CSMD1: variants seen among roughly 807,000 people sequenced by gnomAD.
The protein encoded by CSMD1 is CUB and sushi domain-containing protein 1.
In CSMD1, 213 loss-of-function variants were observed where a neutral mutation model predicts 417.5. The ratio of observed to expected loss-of-function variants is 0.51; its 90% CI spans 0.46 to 0.57. The LOEUF is 0.57. Ranked by LOEUF, CSMD1 falls within the 20% of genes least tolerant of loss-of-function variation. The probability of loss-of-function intolerance (pLI) is 0.00; values close to 1 mark genes in which losing one functional copy is unlikely to be tolerated. For synonymous variants in CSMD1, 2,862 were observed against 1,736.8 expected (o/e 1.65, Z -16.11); for missense variants, 6,923 against 4,529.7 (o/e 1.53, Z -15.17).
intron 6 of CSMD1, among the ~76,000 whole-genome samples, chr8:3,715,362 C>G (rs922138580): frequency 4.6e-5 from 7 of 152,144 alleles, no homozygotes; most frequent in African/African-American, 1.4e-4. Flanking sequence ...AACCATTTCA[C>G]AGTCTAAAAC....
At chr8:3,771,016 G>GCC (rs1798540367) in intron 5 of CSMD1, among the ~76,000 whole-genome samples, 1 of 89,776 alleles carries the variant, frequency 1.1e-5, no homozygotes, top group African/African-American at 4.9e-5. Flanking sequence ...CTGTCAGTGT[G>GCC]TCTGTGTGTG....
intron 4 of CSMD1, among the ~76,000 whole-genome samples, chr8:4,025,246 T>G (rs980624715): frequency 1.3e-5 from 2 of 152,196 alleles, no homozygotes; most frequent in African/African-American, 4.8e-5. Context: ...TAAATACAAA[T>G]ATTTACCTGC....
At position 4,841,363 on chromosome 8, in the gene CSMD1, CA is replaced by C. The variant is rs534894056; in HGVS notation, c.85+152968del. On this transcript the variant is annotated intron_variant, in intron 1 of 69. Transcript: ENST00000635120. ...ACTACTTTATTCTACAGTTTGGAAC[CA>C]CTGAGCTTCTTGAAGGCAGGGACCA... Among the ~76,000 whole-genome samples the C allele has an allele frequency of 9.8e-5, 15 of 152,300 alleles. No individual in the cohort carries two copies. The South Asian group carries it at 3.1e-3, about 32-fold the overall frequency.
chr8:3,506,224 G>C (rs1401287842), intron 10 of CSMD1, among the ~76,000 whole-genome samples: 2 of 152,124 alleles, frequency 1.3e-5, no homozygotes, highest in Admixed American at 6.5e-5. Flanking sequence ...GACGGCCCTG[G>C]GGGAGAGGGT....
chr8:4,095,879 G>C (rs945897667), intron 3 of CSMD1, among the ~76,000 whole-genome samples: 1 of 152,136 alleles, frequency 6.6e-6, no homozygotes, highest in African/African-American at 2.4e-5. Flanking sequence ...AACTATCAAT[G>C]TTAAGAGTAG....
intron 3 of CSMD1, among the ~76,000 whole-genome samples, chr8:4,143,263 G>C (rs1000712743): frequency 1.3e-5 from 2 of 150,784 alleles, no homozygotes; most frequent in East Asian, 1.9e-4. Flanking sequence ...TTTTCCATTT[G>C]TCCTCAAAGA....
At chr8:3,860,846 A>G (rs946145911) in intron 5 of CSMD1, among the ~76,000 whole-genome samples, 3 of 152,258 alleles carry the variant, frequency 2.0e-5, no homozygotes, top group Non-Finnish European at 2.9e-5. Flanking sequence ...TAAGAAAAAT[A>G]TACAATCATG....
intron 1 of CSMD1, among the ~76,000 whole-genome samples, chr8:4,845,959 T>G (rs1167227628): frequency 1.3e-5 from 2 of 152,202 alleles, no homozygotes; most frequent in East Asian, 3.8e-4. Flanking sequence ...TACAAAAGAA[T>G]AGAGAATCGG....
chr8:4,767,872 T>A (rs1812573090), intron 1 of CSMD1, among the ~76,000 whole-genome samples: 1 of 152,186 alleles, frequency 6.6e-6, no homozygotes, highest in Non-Finnish European at 1.5e-5. Context: ...TGCTACTAGC[T>A]AGTTTACAGT....
At chr8:3,435,579 G>C (rs927202817) in intron 12 of CSMD1, among the ~76,000 whole-genome samples, 1 of 152,064 alleles carries the variant, frequency 6.6e-6, no homozygotes, top group African/African-American at 2.4e-5. Flanking sequence ...ATCTCGTCAT[G>C]TCTGTCTTCT....
intron 1 of CSMD1, among the ~76,000 whole-genome samples, chr8:4,833,524 CA>C (rs1227924975): frequency 1.3e-5 from 2 of 152,214 alleles, no homozygotes; most frequent in African/African-American, 2.4e-5. Context: ...CAAACCCTAT[CA>C]CCCACTAACA....
chr8:4,736,336 T>G (rs1810232096), intron 1 of CSMD1, among the ~76,000 whole-genome samples: 1 of 152,102 alleles, frequency 6.6e-6, no homozygotes, highest in Non-Finnish European at 1.5e-5. Flanking sequence ...TTGGAGATAT[T>G]CAGATAATAA....
chr8:3,804,514 A>G (rs1220525561), intron 5 of CSMD1, among the ~76,000 whole-genome samples: 1 of 152,228 alleles, frequency 6.6e-6, no homozygotes, highest in Non-Finnish European at 1.5e-5. Flanking sequence ...TAATAGCTAT[A>G]AAACATTTAC....
intron 2 of CSMD1, among the ~76,000 whole-genome samples, chr8:4,625,933 A>C (rs1802078926): frequency 6.6e-6 from 1 of 152,114 alleles, no homozygotes; most frequent in Non-Finnish European, 1.5e-5. Context: ...CATGTTGGCC[A>C]GGCTGGTCTC....
chr8:4,737,429 C>G (rs896889417), intron 1 of CSMD1, among the ~76,000 whole-genome samples: 1 of 151,956 alleles, frequency 6.6e-6, no homozygotes, highest in African/African-American at 2.4e-5. Context: ...ATCTGTACCA[C>G]AAATTGCCAT....
chr8:3,633,029 A>G (rs1391745657), intron 7 of CSMD1, among the ~76,000 whole-genome samples: 1 of 152,204 alleles, frequency 6.6e-6, no homozygotes, highest in Non-Finnish European at 1.5e-5. Context: ...TGTCCTACTA[A>G]CTGATACTTT....
intron 1 of CSMD1, among the ~76,000 whole-genome samples, chr8:4,895,496 T>C (rs1011302481): frequency 6.6e-6 from 1 of 152,166 alleles, no homozygotes; most frequent in Non-Finnish European, 1.5e-5. Flanking sequence ...ATGTTTTCTT[T>C]CTTAATTCAC....
At chr8:4,386,554 A>G (rs1008567474) in intron 3 of CSMD1, among the ~76,000 whole-genome samples, 11 of 152,232 alleles carry the variant, frequency 7.2e-5, no homozygotes, top group Non-Finnish European at 2.9e-5. Context: ...CAAGCCTAAA[A>G]TAAGTAAGAC....
intron 2 of CSMD1, among the ~76,000 whole-genome samples, chr8:4,439,972 C>T (rs747453233): frequency 2.0e-5 from 3 of 152,140 alleles, no homozygotes; most frequent in Non-Finnish European, 4.4e-5. Flanking sequence ...TCCTGGCCTG[C>T]ACACTTCACC....
Sources: allele counts gnomAD v4.1 joint callset (sites outside exome capture counted in the v4.1 genomes callset), GRCh38; gene constraint gnomAD v4.1.1; transcripts MANE v1.5; gene names NCBI Gene and HGNC (gene_info 2026-07-23, HGNC 2026-07-21).